Variants in ZNF600 observed in about 807,000 individuals in gnomAD.
The protein encoded by ZNF600 is zinc finger protein KR-ZNF1.
A neutral mutation model predicts 7.3 loss-of-function variants in ZNF600; 4 were observed. The observed-to-expected ratio is 0.55, with a 90% confidence interval of 0.27 to 1.25. The LOEUF (loss-of-function observed/expected upper bound fraction) is 1.25. ZNF600 is among the 50% of genes most tolerant of loss of function. The pLI, the probability that ZNF600 is intolerant of heterozygous loss-of-function variation, is 0.12. For synonymous variants in ZNF600, 290 were observed against 308.9 expected (o/e 0.94, Z 0.64); for missense variants, 911 against 922.1 (o/e 0.99, Z 0.16).
intron 2 of ZNF600, 90 bp downstream of exon 4, chr19:52,778,736 T>A: frequency 6.7e-7 from 1 of 1,502,334 alleles, no homozygotes; most frequent in Non-Finnish European, 8.9e-7. Flanking sequence ...CAGGCAAAAT[T>A]CTTCAAACTC....
chr19:52,777,773 G>A (rs534427178), intron 2 of ZNF600, among the ~76,000 whole-genome samples: 1 of 152,040 alleles, frequency 6.6e-6, no homozygotes, highest in Non-Finnish European at 1.5e-5. Context: ...AGGTTGCAGT[G>A]AGCCGAGATC....
the ZNF600 span, among the ~76,000 whole-genome samples, chr19:52,794,191 G>A: frequency 6.6e-6 from 1 of 152,286 alleles, no homozygotes; most frequent in African/African-American, 2.4e-5. Context: ...TGTGGACAGA[G>A]ACAAGAATAA....
At chr19:52,818,042 A>C in the ZNF600 span, 1 of 1,595,630 alleles carries the variant, frequency 6.3e-7, no homozygotes, top group Non-Finnish European at 8.6e-7. Context: ...CTGAATGTTA[A>C]AAATATGTTG....
the ZNF600 span, among the ~76,000 whole-genome samples, chr19:52,831,705 C>T: frequency 1.3e-5 from 2 of 151,970 alleles, no homozygotes; most frequent in African/African-American, 2.4e-5. Flanking sequence ...GGGGTTTCAC[C>T]GTGTTAGCCA....
the ZNF600 span, among the ~76,000 whole-genome samples, chr19:52,816,579 G>A: frequency 2.8e-5 from 4 of 144,932 alleles, 1 homozygote; most frequent in African/African-American, 1.1e-4. Context: ...CAGGAGAATG[G>A]CATGAACCCA....
chr19:52,802,692 T>G, the ZNF600 span, among the ~76,000 whole-genome samples: 2 of 151,958 alleles, frequency 1.3e-5, no homozygotes, highest in African/African-American at 4.8e-5. Flanking sequence ...AAGGAAAATG[T>G]TAATACCATA....
chr19:52,829,208 AT>A, the ZNF600 span, among the ~76,000 whole-genome samples: 1 of 45,242 alleles, frequency 2.2e-5, no homozygotes, highest in South Asian at 3.6e-4. Flanking sequence ...ATTTTATTTT[AT>A]TTTATTTTAT....
chr19:52,798,769 G>T, the ZNF600 span: 3 of 655,274 alleles, frequency 4.6e-6, no homozygotes, highest in South Asian at 1.4e-5. Context: ...TATTACACTT[G>T]TAAGATCTCT....
upstream of ZNF600, among the ~76,000 whole-genome samples, chr19:52,788,834 TC>T (rs1013051411): frequency 3.9e-5 from 6 of 152,212 alleles, no homozygotes; most frequent in African/African-American, 1.4e-4. Flanking sequence ...TGAGGGTGGG[TC>T]CCATACTGTG....
At chr19:52,776,249 T>C (rs1435264508) in intron 2 of ZNF600, among the ~76,000 whole-genome samples, 2 of 151,672 alleles carry the variant, frequency 1.3e-5, no homozygotes. Flanking sequence ...GGATTCACAT[T>C]TGAATATAAA....
chr19:52,778,593 G>C (rs1475833716), intron 2 of ZNF600, among the ~76,000 whole-genome samples: 4 of 152,118 alleles, frequency 2.6e-5, no homozygotes, highest in African/African-American at 9.7e-5. Context: ...TCCATGTCTA[G>C]GTGTGAGCCC....
chr19:52,780,652 C>T (rs991001058), intron 1 of ZNF600: 2 of 152,086 alleles, frequency 1.3e-5, no homozygotes, highest in African/African-American at 4.8e-5. Context: ...CCCTTGATCC[C>T]AGGAGTCAGA....
At chr19:52,770,377 G>T (rs1194588975) in intron 3 of ZNF600, among the ~76,000 whole-genome samples, 1 of 152,158 alleles carries the variant, frequency 6.6e-6, no homozygotes. Context: ...AGGAGGCAAA[G>T]GTTACAGTGA....
exon 4 of ZNF600, chr19:52,765,848 T>C: frequency 1.2e-6 from 2 of 1,614,024 alleles, no homozygotes; most frequent in Non-Finnish European, 8.5e-7. Flanking sequence ...ATTTGTAAAG[T>C]TTCTCCCCAG....
the ZNF600 span, among the ~76,000 whole-genome samples, chr19:52,828,863 CTTTA>C: frequency 6.6e-6 from 1 of 151,952 alleles, no homozygotes. Context: ...ATTTTTATTT[CTTTA>C]TTTATTTTTT....
At chr19:52,766,532 A>C (rs761517316) in exon 4 of ZNF600, 6 of 1,614,060 alleles carry the variant, frequency 3.7e-6, no homozygotes, top group African/African-American at 1.3e-5. Flanking sequence ...TTCCTCCACT[A>C]TGAATTCTAG....
chr19:52,785,305 C>T (rs923010575), intron 1 of ZNF600, among the ~76,000 whole-genome samples: 49 of 151,416 alleles, frequency 3.2e-4, no homozygotes, highest in African/African-American at 1.1e-3. Flanking sequence ...TGGAGTGCAC[C>T]GGTGCGATCT....
chr19:52,811,341 G>A, the ZNF600 span, among the ~76,000 whole-genome samples: 2 of 148,684 alleles, frequency 1.3e-5, no homozygotes, highest in South Asian at 2.1e-4. Context: ...GAGCGACTCT[G>A]CCTGGCCGCC....
chr19:52,796,272 T>G, the ZNF600 span, among the ~76,000 whole-genome samples: 4 of 152,208 alleles, frequency 2.6e-5, no homozygotes, highest in Non-Finnish European at 4.4e-5. Context: ...CCTGACGATG[T>G]GTGCCCAAGG....
Sources: allele counts gnomAD v4.1 joint callset (sites outside exome capture counted in the v4.1 genomes callset), GRCh38; gene constraint gnomAD v4.1.1; transcripts MANE v1.5; gene names NCBI Gene and HGNC (gene_info 2026-07-23, HGNC 2026-07-21).